COA1: variants seen among roughly 807,000 people sequenced by gnomAD.
The protein encoded by COA1 is cytochrome c oxidase assembly factor 1 homolog.
Under a neutral mutation model 16.0 loss-of-function variants are expected in COA1, and 13 were observed. That is an observed-to-expected ratio of 0.81 (90% confidence interval 0.53 to 1.29). The LOEUF is 1.29. Ranked by LOEUF, COA1 falls within the 50% of genes most tolerant of loss-of-function variation. The pLI is 0.00. For synonymous variants in COA1, 65 were observed against 65.7 expected, an observed-to-expected ratio of 0.99 and a Z score of 0.05; for missense variants, 179 against 177.0, an observed-to-expected ratio of 1.01 and a Z score of -0.06.
chr7:43,635,574 C>A, downstream of COA1, among the ~76,000 whole-genome samples: 1 of 152,300 alleles, frequency 6.6e-6, no homozygotes, highest in East Asian at 1.9e-4. Context: ...ATGCCACTTC[C>A]ACTCACAAGC....
chr7:43,644,778 GC>G (rs2088574222), intron 4 of COA1, among the ~76,000 whole-genome samples: 2 of 70,734 alleles, frequency 2.8e-5, no homozygotes, highest in African/African-American at 9.5e-5. Context: ...AGGCAGGCAG[GC>G]AGGCAGGCAG....
At chr7:43,636,779 G>A (rs948868722), downstream of COA1, among the ~76,000 whole-genome samples, 1 of 152,230 alleles carries the variant, frequency 6.6e-6, no homozygotes, top group African/African-American at 2.4e-5. Context: ...AACAAAGACA[G>A]TAAAATCTGT....
exon 7 of COA1, chr7:43,608,567 G>C: frequency 1.5e-6 from 1 of 681,758 alleles, no homozygotes; most frequent in East Asian, 2.9e-5. Flanking sequence ...TTTTATCAGG[G>C]AGATAATGCA....
chr7:43,670,470 A>T (rs778772712), intron 1 of COA1, among the ~76,000 whole-genome samples: 14 of 152,126 alleles, frequency 9.2e-5, no homozygotes, highest in Non-Finnish European at 1.9e-4. Context: ...AAAAATTTTC[A>T]TCATAAACTC....
At chr7:43,678,119 A>G (rs2093617080) in intron 1 of COA1, among the ~76,000 whole-genome samples, 1 of 152,222 alleles carries the variant, frequency 6.6e-6, no homozygotes, top group South Asian at 2.1e-4. Context: ...GTTGGGTTTG[A>G]GAGATGAACC....
intron 1 of COA1, among the ~76,000 whole-genome samples, chr7:43,657,543 A>G (rs918679857): frequency 1.3e-5 from 2 of 152,250 alleles, no homozygotes; most frequent in Non-Finnish European, 2.9e-5. Flanking sequence ...TGCCAACTGC[A>G]TCCAAAACCA....
exon 7 of COA1, chr7:43,608,506 G>T (rs1017650408): frequency 7.4e-7 from 1 of 1,354,856 alleles, no homozygotes; most frequent in East Asian, 2.3e-5. Context: ...GTATTATTAG[G>T]TAACAAGGAT....
chr7:43,625,827 T>C (rs1192630725), intron 6 of COA1: 3 of 152,070 alleles, frequency 2.0e-5, no homozygotes, highest in Non-Finnish European at 4.4e-5. Flanking sequence ...TTATCAGCCC[T>C]CAAGCTATGC....
intron 1 of COA1, among the ~76,000 whole-genome samples, chr7:43,683,963 CACA>C (rs1481458444): frequency 6.6e-6 from 1 of 152,116 alleles, no homozygotes; most frequent in African/African-American, 2.4e-5. Flanking sequence ...ACTGAAAAGA[CACA>C]ACAATTAGGG....
At chr7:43,718,954 C>A (rs938656980) in intron 1 of COA1, among the ~76,000 whole-genome samples, 3 of 144,734 alleles carry the variant, frequency 2.1e-5, no homozygotes, top group African/African-American at 7.7e-5. Flanking sequence ...GAAGTAGATT[C>A]AATCTACCAG....
chr7:43,702,512 T>C (rs1261280841), intron 1 of COA1, among the ~76,000 whole-genome samples: 1 of 152,200 alleles, frequency 6.6e-6, no homozygotes, highest in Non-Finnish European at 1.5e-5. Context: ...GTAGCATAGT[T>C]TGAAGTCGGA....
At chr7:43,706,691 A>C (rs1315104838) in intron 1 of COA1, among the ~76,000 whole-genome samples, 3 of 152,106 alleles carry the variant, frequency 2.0e-5, no homozygotes, top group African/African-American at 7.2e-5. Flanking sequence ...CAACATAGTG[A>C]AAGACTGTCT....
At chr7:43,648,561 G>A (rs777241788) in intron 2 of COA1, 39 bp downstream of exon 2, 5 of 1,608,950 alleles carry the variant, frequency 3.1e-6, no homozygotes, top group South Asian at 1.1e-5. Context: ...TACCCTGGCA[G>A]GTTCTAGTGG....
chr7:43,700,017 GTCC>G (rs1774518296), intron 1 of COA1, among the ~76,000 whole-genome samples: 1 of 152,000 alleles, frequency 6.6e-6, no homozygotes, highest in Admixed American at 6.6e-5. Flanking sequence ...CCTCTTTAGT[GTCC>G]TCGTTAAAAA....
intron 1 of COA1, among the ~76,000 whole-genome samples, chr7:43,675,188 CCAA>C (rs1240596368): frequency 6.6e-6 from 1 of 152,160 alleles, no homozygotes; most frequent in Non-Finnish European, 1.5e-5. Flanking sequence ...ACCCAAATGT[CCAA>C]CAACGATAGA....
At chr7:43,649,757 T>C (rs1038879103) in intron 1 of COA1, 2 of 152,268 alleles carry the variant, frequency 1.3e-5, no homozygotes, top group African/African-American at 4.8e-5. Flanking sequence ...TAAGACAGTT[T>C]GCCAACAGTT....
At chr7:43,678,157 G>C (rs1463874425) in intron 1 of COA1, among the ~76,000 whole-genome samples, 2 of 152,098 alleles carry the variant, frequency 1.3e-5, no homozygotes, top group African/African-American at 4.8e-5. Context: ...TTAGTAATTT[G>C]TATAAAGTAT....
chr7:43,676,776 T>C (rs1245342318), intron 1 of COA1, among the ~76,000 whole-genome samples: 2 of 151,898 alleles, frequency 1.3e-5, no homozygotes, highest in African/African-American at 2.4e-5. Flanking sequence ...ACCCCATAAA[T>C]ATGTACAATT....
intron 4 of COA1, among the ~76,000 whole-genome samples, chr7:43,643,448 G>A (rs62461084): frequency 3.7e-4 from 56 of 152,320 alleles, no homozygotes; most frequent in South Asian, 6.2e-4. Context: ...GACAGGCTCC[G>A]CCACACCATG....
Sources: gnomAD v4.1 joint callset for allele counts (sites outside exome capture counted in the v4.1 genomes callset) on GRCh38, gnomAD v4.1.1 for gene constraint, MANE v1.5 for transcripts, NCBI Gene and HGNC (gene_info 2026-07-23, HGNC 2026-07-21) for gene names.